The following GCH1 variants were observed in gnomAD, a reference collection of about 807,000 sequenced individuals.
GCH1 encodes the protein GTP cyclohydrolase 1, also known as GTP cyclohydrolase I.
Under a neutral mutation model 25.9 loss-of-function variants are expected in GCH1, and 5 were observed. The ratio of observed to expected loss-of-function variants is 0.19; its 90% confidence interval spans 0.10 to 0.41. The LOEUF is 0.41. Among genes scored for constraint, GCH1 ranks in the 10% least tolerant of loss-of-function variants. The pLI is 1.00. For synonymous variants in GCH1, 159 were observed against 129.6 expected, an observed-to-expected ratio of 1.23 and a Z score of -1.54; for missense variants, 261 against 336.5, an observed-to-expected ratio of 0.78 and a Z score of 1.75.
intron 1 of GCH1, chr14:54,884,968 T>C (rs905715879): frequency 6.6e-5 from 12 of 181,856 alleles, no homozygotes; most frequent in African/African-American, 2.6e-4. Flanking sequence ...ACCAAGAACA[T>C]GGTCAGCAGA....
chr14:54,892,422 C>A (rs2040435125), intron 1 of GCH1, among the ~76,000 whole-genome samples: 4 of 152,218 alleles, frequency 2.6e-5, no homozygotes, highest in Non-Finnish European at 5.9e-5. Flanking sequence ...GATGTGGTGG[C>A]TCACGCCTGT....
intron 2 of GCH1, among the ~76,000 whole-genome samples, chr14:54,863,219 A>G (rs1463342769): frequency 6.6e-6 from 1 of 151,926 alleles, no homozygotes; most frequent in Non-Finnish European, 1.5e-5. Flanking sequence ...GGAGATCAAG[A>G]CCATCCTGGC....
intron 1 of GCH1, among the ~76,000 whole-genome samples, chr14:54,871,700 G>C (rs551292849): frequency 2.0e-5 from 3 of 152,024 alleles, no homozygotes; most frequent in African/African-American, 7.2e-5. Flanking sequence ...CGTGATGAAT[G>C]CACAAGCCTC....
chr14:54,847,495 T>A (rs10139369), intron 3 of GCH1, among the ~76,000 whole-genome samples: 12,614 of 152,166 alleles, frequency 0.083, 1,694 homozygotes, highest in African/African-American at 0.28. Context: ...AGAGTGGCCT[T>A]GACTCCCAGC....
intron 2 of GCH1, among the ~76,000 whole-genome samples, chr14:54,862,594 T>G (rs532774569): frequency 1.2e-4 from 5 of 40,132 alleles, no homozygotes; most frequent in East Asian, 1.3e-3. Flanking sequence ...TTGGTTTTCG[T>G]TTTTTTTTTT....
At chr14:54,896,909 A>C (rs2040493071) in intron 1 of GCH1, among the ~76,000 whole-genome samples, 1 of 142,766 alleles carries the variant, frequency 7.0e-6, no homozygotes, top group Non-Finnish European at 1.5e-5. Context: ...ACAGAGTGAG[A>C]CTTCATCTCA....
rs186271285 is a variant in GCH1, at chr14:54,894,129, G to A, written c.343+8192C>T. 6.2e-4 allele frequency among the ~76,000 whole-genome samples: 94 copies of A among 152,010 alleles called. No homozygotes were observed. The Middle Eastern group carries it at 0.02, about 33-fold the overall frequency. ...TAATACAAGTTGAATTGTGCCATTC[G>A]CCAAAAAAGATATGTTGAAGTCCTA... is the stretch of plus-strand genomic sequence containing the variant. On this transcript the variant is annotated intron_variant, in intron 1 of 5. Coordinates refer to ENST00000491895, the MANE Select transcript of GCH1 (RefSeq NM_000161.3).
At chr14:54,853,588 C>T (rs2039766679) in intron 3 of GCH1, among the ~76,000 whole-genome samples, 1 of 152,190 alleles carries the variant, frequency 6.6e-6, no homozygotes, top group Non-Finnish European at 1.5e-5. Flanking sequence ...TAGTTCACCA[C>T]ACCCAGCATC....
rs1441342029 is a variant in GCH1 at position 54,874,004 on chromosome 14, A to G, written c.344-8568T>C. On this transcript the variant is annotated intron_variant, in intron 1 of 5. Coordinates refer to ENST00000491895, the MANE Select transcript of GCH1 (RefSeq NM_000161.3). The stretch of plus-strand genomic sequence containing the variant: ...CCCTAACTCATTTTATGAGGCCAGC[A>G]TCATCCTGATACCAAAGTCTGGCAG... Among the ~76,000 whole-genome samples, 11 of 152,324 alleles carry G rather than the reference A, an allele frequency of 7.2e-5. No individual in the cohort carries two copies. In the South Asian group the frequency reaches 2.1e-3, roughly 29 times the overall value.
At chr14:54,901,627 G>A (rs1451094640) in intron 1 of GCH1, among the ~76,000 whole-genome samples, 2 of 152,132 alleles carry the variant, frequency 1.3e-5, no homozygotes, top group African/African-American at 4.8e-5. Flanking sequence ...GCTTTTTGCG[G>A]GGTTGGGGGT....
chr14:54,870,335 CAAAAAAAAAAAAAAA>C lies in GCH1; in HGVS notation c.344-4914_344-4900del, dbSNP rs561453897. On this transcript the variant is annotated intron_variant, in intron 1 of 5. Transcript: ENST00000491895. ...CAACCTAGCCAGACTCTGTTTTTAC[CAAAAAAAAAAAAAAA>C]AAAAAAAAAAGGGTGGGGGTGGAGC... 2.7e-4 allele frequency among the ~76,000 whole-genome samples: 18 copies of C among 66,600 alleles called. No homozygotes were observed. The South Asian group carries it at 0.012, about 44-fold the overall frequency. 43.7% of individuals were successfully genotyped at this position (66,600 alleles called of 152,430 possible).
At chr14:54,888,101 TA>T (rs1454448119) in intron 1 of GCH1, among the ~76,000 whole-genome samples, 4 of 152,196 alleles carry the variant, frequency 2.6e-5, no homozygotes, top group Non-Finnish European at 5.9e-5. Flanking sequence ...TCAAAGGAGC[TA>T]CAGGTAGGAA....
At chr14:54,848,104 A>G (rs973290442) in intron 3 of GCH1, among the ~76,000 whole-genome samples, 9 of 151,682 alleles carry the variant, frequency 5.9e-5, no homozygotes, top group Admixed American at 5.9e-4. Context: ...ATCTTAACTT[A>G]TAGCACAATC....
At chr14:54,848,370 C>T (rs1435893828) in intron 3 of GCH1, among the ~76,000 whole-genome samples, 1 of 152,120 alleles carries the variant, frequency 6.6e-6, no homozygotes, top group Non-Finnish European at 1.5e-5. Context: ...CTTCTGACCT[C>T]GTGATCTGCC....
intron 3 of GCH1, among the ~76,000 whole-genome samples, chr14:54,856,346 T>TA (rs1204051540): frequency 1.3e-5 from 2 of 152,236 alleles, no homozygotes; most frequent in African/African-American, 4.8e-5. Context: ...CCTGCTTCTT[T>TA]AGCCTCCACA....
intron 1 of GCH1, among the ~76,000 whole-genome samples, chr14:54,891,387 T>A (rs939482361): frequency 2.0e-5 from 3 of 149,300 alleles, no homozygotes; most frequent in African/African-American, 7.4e-5. Flanking sequence ...ATTACAGGCA[T>A]GAGCCATCAT....
chr14:54,850,267 C>T (rs571266426), intron 3 of GCH1, among the ~76,000 whole-genome samples: 7 of 151,634 alleles, frequency 4.6e-5, no homozygotes, highest in Admixed American at 1.3e-4. Flanking sequence ...CCACCACGCC[C>T]GATCTCCTTT....
chr14:54,857,579 T>G (rs1274588541), intron 3 of GCH1, among the ~76,000 whole-genome samples: 1 of 152,250 alleles, frequency 6.6e-6, no homozygotes, highest in Admixed American at 6.5e-5. Context: ...TTAGCAATCT[T>G]GCTGACAGGG....
chr14:54,845,934 C>A, intron 4 of GCH1, 82 bp from the exon 5 acceptor site: 1 of 831,318 alleles, frequency 1.2e-6, no homozygotes, highest in East Asian at 2.4e-5. Flanking sequence ...CATTTGAAAT[C>A]TTAAAAATCA....
Sources: allele counts gnomAD v4.1 joint callset (sites outside exome capture counted in the v4.1 genomes callset), GRCh38; gene constraint gnomAD v4.1.1; transcripts MANE v1.5; gene names NCBI Gene and HGNC (gene_info 2026-07-23, HGNC 2026-07-21).